The following NCOA2 variants were observed in gnomAD, a reference collection of about 807,000 sequenced individuals.
The protein encoded by NCOA2 is nuclear receptor coactivator 2, also known as class E basic helix-loop-helix protein 75.
Under a neutral mutation model 145.1 loss-of-function variants are expected in NCOA2, and 21 were observed. The observed-to-expected ratio is 0.14, with a 90% CI of 0.10 to 0.21. The LOEUF is 0.21. Ranked by LOEUF, NCOA2 falls within the 10% of genes least tolerant of loss-of-function variation. The pLI is 1.00. For missense variants in NCOA2, 1,472 were observed against 1,837.6 expected (o/e 0.80, Z 3.64); for synonymous variants, 619 against 637.5 (o/e 0.97, Z 0.44).
chr8:70,382,279 G>T (rs915621817), intron 1 of NCOA2, among the ~76,000 whole-genome samples: 1 of 151,968 alleles, frequency 6.6e-6, no homozygotes, highest in African/African-American at 2.4e-5. Context: ...CCAGGAGGAG[G>T]CCCACCTGAC....
At chr8:70,230,528 A>T (rs1175072815) in intron 2 of NCOA2, among the ~76,000 whole-genome samples, 1 of 152,250 alleles carries the variant, frequency 6.6e-6, no homozygotes, top group African/African-American at 2.4e-5. Context: ...CAACAGGCTT[A>T]ACCTGGCAAC....
At chr8:70,169,347 TA>T (rs879427385) in intron 6 of NCOA2, among the ~76,000 whole-genome samples, 3 of 152,354 alleles carry the variant, frequency 2.0e-5, no homozygotes, top group Non-Finnish European at 4.4e-5. Context: ...TGATCACACC[TA>T]CAGGGCCCAC....
intron 2 of NCOA2, among the ~76,000 whole-genome samples, chr8:70,237,826 T>C (rs1821765892): frequency 6.6e-6 from 1 of 151,668 alleles, no homozygotes; most frequent in African/African-American, 2.4e-5. Flanking sequence ...ATACTCTTCA[T>C]AGCCAGCAGA....
intron 2 of NCOA2, among the ~76,000 whole-genome samples, chr8:70,225,383 C>A (rs1820531554): frequency 6.6e-6 from 1 of 151,744 alleles, no homozygotes; most frequent in South Asian, 2.1e-4. Context: ...CCCGCCTCTA[C>A]TAAAAAAATA....
intron 2 of NCOA2, among the ~76,000 whole-genome samples, chr8:70,284,720 G>A (rs1826120752): frequency 1.3e-5 from 2 of 152,040 alleles, no homozygotes; most frequent in Non-Finnish European, 2.9e-5. Context: ...AAGAGAGTGT[G>A]TATTACTGAA....
chr8:70,449,699 G>A, the NCOA2 span, among the ~76,000 whole-genome samples: 2 of 152,220 alleles, frequency 1.3e-5, no homozygotes, highest in South Asian at 4.1e-4. Context: ...GAGTCTGTGT[G>A]GGCAGCAGCC....
In NCOA2 at chr8:70,275,952, A is replaced by G. The variant is rs114324041; in HGVS notation, c.-20+20792T>C. On this transcript the variant is annotated intron_variant, in intron 2 of 22. Transcript: ENST00000452400. ...TTGGCCAAAAAATACTAAACTTTGC[A>G]AAGTTTTTGTCCACTTAGCTGTAAG... Among the ~76,000 whole-genome samples, 1,412 of 152,336 alleles carry G rather than the reference A, an allele frequency of 9.3e-3. 22 individuals are homozygous for G. The highest frequency in any genetic ancestry group is 0.032 in the African/African-American group (1,317 of 41,582).
intron 2 of NCOA2, among the ~76,000 whole-genome samples, chr8:70,289,665 A>G (rs1359974305): frequency 1.3e-5 from 2 of 152,118 alleles, no homozygotes; most frequent in African/African-American, 2.4e-5. Flanking sequence ...CCTTAATTCT[A>G]CTTTTTAAAA....
At chr8:70,132,594 T>TCA (rs1179754900) in intron 15 of NCOA2, among the ~76,000 whole-genome samples, 1 of 152,234 alleles carries the variant, frequency 6.6e-6, no homozygotes, top group East Asian at 1.9e-4. Context: ...AGACAGGGTC[T>TCA]CACTTCATTG....
upstream of NCOA2, among the ~76,000 whole-genome samples, chr8:70,407,776 C>A (rs540734821): frequency 6.6e-6 from 1 of 152,044 alleles, no homozygotes; most frequent in Admixed American, 6.6e-5. Context: ...AGCCTGGTGA[C>A]AGAGCAAGAC....
At chr8:70,138,456 CTAGG>C (rs1441347998) in intron 14 of NCOA2, 124 bp from the exon 15 acceptor site, 1 of 912,460 alleles carries the variant, frequency 1.1e-6, no homozygotes, top group Non-Finnish European at 1.6e-6. Context: ...TAATAATTAA[CTAGG>C]TGAATATAAG....
intron 1 of NCOA2, among the ~76,000 whole-genome samples, chr8:70,371,010 G>A (rs1033709955): frequency 2.6e-5 from 4 of 152,120 alleles, no homozygotes; most frequent in Non-Finnish European, 4.4e-5. Context: ...GTAACCGGCC[G>A]GGCACGGTGG....
the NCOA2 span, among the ~76,000 whole-genome samples, chr8:70,410,265 G>C: frequency 6.6e-6 from 1 of 152,030 alleles, no homozygotes; most frequent in Non-Finnish European, 1.5e-5. Context: ...TGGGCAATTG[G>C]AACTCTTATT....
chr8:70,129,871 T>G (rs1011044277), intron 16 of NCOA2, among the ~76,000 whole-genome samples: 1 of 152,196 alleles, frequency 6.6e-6, no homozygotes, highest in South Asian at 2.1e-4. Flanking sequence ...GGTTTCTCCA[T>G]GTTGGTCAGG....
the NCOA2 span, among the ~76,000 whole-genome samples, chr8:70,441,382 AAG>A: frequency 3.5e-5 from 3 of 86,466 alleles, no homozygotes; most frequent in African/African-American, 7.0e-5. Context: ...AGAAAGAAAG[AAG>A]AAAGAGAAAG....
At chr8:70,442,443 CA>C in the NCOA2 span, among the ~76,000 whole-genome samples, 12 of 152,132 alleles carry the variant, frequency 7.9e-5, no homozygotes, top group Admixed American at 7.9e-4. Context: ...TCGGTGGAGA[CA>C]AAAATAGTCA....
chr8:70,314,933 G>A (rs547059778), intron 1 of NCOA2, among the ~76,000 whole-genome samples: 128 of 152,274 alleles, frequency 8.4e-4, no homozygotes, highest in African/African-American at 3.0e-3. Flanking sequence ...GCTGATGTGG[G>A]TTGATACCAC....
At position 70,136,354 on chromosome 8, in the gene NCOA2, T is replaced by A. The variant is rs180846437; in HGVS notation, c.3158+1849A>T. ...TCCAGCCTGGGCAACAAAGTGAGAC[T>A]CTGTCTCAAAACAAAAAAACCAAAC... On this transcript the variant is annotated intron_variant, in intron 15 of 22. Coordinates refer to ENST00000452400, the MANE Select transcript of NCOA2 (RefSeq NM_006540.4). Among the ~76,000 whole-genome samples, 318 of 152,238 alleles carry A rather than the reference T, an allele frequency of 2.1e-3. 1 individual carries two copies. Among genetic ancestry groups the A allele is most frequent in the Admixed American group, 4.3e-3 (66 of 15,294 alleles).
intron 1 of NCOA2, among the ~76,000 whole-genome samples, chr8:70,319,887 A>G (rs1235371669): frequency 1.3e-5 from 2 of 152,214 alleles, no homozygotes; most frequent in East Asian, 3.8e-4. Flanking sequence ...TGGAGGTAAA[A>G]GGAAGAGGGA....
Sources: allele counts gnomAD v4.1 joint callset (sites outside exome capture counted in the v4.1 genomes callset), GRCh38; gene constraint gnomAD v4.1.1; transcripts MANE v1.5; gene names NCBI Gene and HGNC (gene_info 2026-07-23, HGNC 2026-07-21).